Variants in ARSG observed in about 807,000 individuals in gnomAD.
ARSG encodes the protein arylsulfatase G.
A neutral mutation model predicts 50.5 loss-of-function variants in ARSG; 37 were observed. The ratio of observed to expected loss-of-function variants is 0.73; its 90% confidence interval spans 0.56 to 0.96. ARSG has a LOEUF of 0.96. Among genes scored for constraint, ARSG ranks in the 50% least tolerant of loss-of-function variants. The pLI is 0.00. For synonymous variants in ARSG, 225 were observed against 254.6 expected (o/e 0.88, Z 1.11); for missense variants, 629 against 675.3 (o/e 0.93, Z 0.76).
At chr17:68,343,904 GT>G in intron 3 of ARSG, 113 bp downstream of exon 3, 1 of 1,094,620 alleles carries the variant, frequency 9.1e-7, no homozygotes, top group Non-Finnish European at 1.3e-6. Context: ...TGCTGTGTGA[GT>G]TAGGGATGCT....
chr17:68,273,400 T>C (rs2075407152), intron 1 of ARSG, among the ~76,000 whole-genome samples: 1 of 152,082 alleles, frequency 6.6e-6, no homozygotes, highest in Non-Finnish European at 1.5e-5. Flanking sequence ...TTTTTATTTT[T>C]TGTAGAGATG....
intron 2 of ARSG, among the ~76,000 whole-genome samples, chr17:68,316,188 C>G (rs1228691324): frequency 6.6e-6 from 1 of 152,214 alleles, no homozygotes; most frequent in Non-Finnish European, 1.5e-5. Flanking sequence ...CCTCAGGCTT[C>G]AAGCAGCTGA....
rs1482538292 is a variant in ARSG at position 68,347,132 on chromosome 17, G to A, written c.414G>A (p.Trp138Ter). 2 of 1,613,984 alleles carry A rather than the reference G, an allele frequency of 1.2e-6. No homozygotes were observed. Among genetic ancestry groups the A allele is most frequent in the Non-Finnish European group, 1.7e-6 (2 of 1,179,944 alleles). The stretch of plus-strand genomic sequence containing the variant: ...TCTTATGTTTTTCTACAGGCAAATG[G>A]CATCTTGGACACCACGGCTCTTATC... ...AGYVTGIIGK[W>*]HLGHHGSYHP... Residue 138 changes from tryptophan (W) to a stop codon, truncating the protein, a stop_gained, in exon 4 of 12, where the codon TGG becomes TGA. Transcript: ENST00000621439. LOFTEE classifies it high-confidence loss of function.
In ARSG at chr17:68,420,322, G is replaced by C; in HGVS notation, c.1437G>C (p.Leu479=). 6.2e-7 allele frequency: 1 copy of C among 1,614,138 alleles called. No homozygotes were observed. The highest frequency in any genetic ancestry group is 8.5e-7 in the Non-Finnish European group (1 of 1,180,026). ...GTGGTGCGGAGTACCAGGCTGTGCTGCCCGAGGTCAGAAAGGTTCTTGCAG... is the reference window on the plus strand; with the variant it reads ...GTGGTGCGGAGTACCAGGCTGTGCTCCCCGAGGTCAGAAAGGTTCTTGCAG... ...ERGGAEYQAV[L]PEVRKVLADV... is the part of the protein sequence containing the mutation. Residue 479 remains leucine (L), a synonymous_variant, in exon 12 of 12, where the codon CTG becomes CTC. Transcript: ENST00000621439.
At chr17:68,450,706 C>G in the ARSG span, 1 of 1,596,584 alleles carries the variant, frequency 6.3e-7, no homozygotes, top group Non-Finnish European at 8.5e-7. Context: ...GCTTTGAAAC[C>G]CTGAGGGATT....
At chr17:68,335,485 C>T (rs780191544) in intron 2 of ARSG, among the ~76,000 whole-genome samples, 3 of 148,510 alleles carry the variant, frequency 2.0e-5, no homozygotes, top group South Asian at 4.2e-4. Context: ...ACCCAGGAGG[C>T]GGAGCTTGCA....
At chr17:68,405,613 T>C (rs1049395982) in intron 11 of ARSG, among the ~76,000 whole-genome samples, 2 of 152,222 alleles carry the variant, frequency 1.3e-5, no homozygotes, top group Non-Finnish European at 2.9e-5. Flanking sequence ...GATTATATCA[T>C]ATCTGAAGGA....
rs191722510 is a variant in ARSG at position 68,408,006 on chromosome 17, G to T, written c.1303+6556G>T. Among the ~76,000 whole-genome samples the T allele has an allele frequency of 2.6e-3, 383 of 149,888 alleles. 3 individuals carry two copies. The highest frequency in any genetic ancestry group is 4.4e-3 in the Non-Finnish European group (296 of 67,620). ...CCCATTCAGTATTATGTTGGCTGTG[G>T]GTTTCTTTTTTTTTTTTTTATTGGT... is the stretch of plus-strand genomic sequence containing the variant. On this transcript the variant is annotated intron_variant, in intron 11 of 11. Transcript: ENST00000621439.
chr17:68,433,981 C>T, the ARSG span, among the ~76,000 whole-genome samples: 4 of 151,914 alleles, frequency 2.6e-5, no homozygotes, highest in Non-Finnish European at 5.9e-5. Context: ...CGGTGTTTCA[C>T]CATGTTGGCC....
At chr17:68,365,035 C>T (rs1020097823) in intron 6 of ARSG, among the ~76,000 whole-genome samples, 56 of 152,282 alleles carry the variant, frequency 3.7e-4, no homozygotes, top group African/African-American at 1.3e-3. Flanking sequence ...AGCGGTCGGG[C>T]GCAGTGGCTC....
the ARSG span, among the ~76,000 whole-genome samples, chr17:68,431,920 C>T: frequency 6.6e-6 from 1 of 152,178 alleles, no homozygotes; most frequent in Admixed American, 6.5e-5. Flanking sequence ...CGATCACTCA[C>T]TCGTGGAACC....
chr17:68,270,277 C>T (rs543798800), intron 1 of ARSG, among the ~76,000 whole-genome samples: 10 of 152,160 alleles, frequency 6.6e-5, no homozygotes, highest in African/African-American at 1.2e-4. Context: ...CCTGGGTTGG[C>T]GGGTGCGGTG....
At position 68,395,156 on chromosome 17, in the gene ARSG, C is replaced by G; in HGVS notation, c.1175C>G (p.Ser392Cys). 1 of 1,614,138 alleles carries G rather than the reference C, an allele frequency of 6.2e-7. No homozygotes were observed. ...QGRRFDGVDV[S>C]EVLFGRSQPG... ...CGGCGCTTTGATGGTGTGGACGTCTCCGAGGTGCTCTTTGGCCGGTCACAG... is the reference window on the plus strand; with the variant it reads ...CGGCGCTTTGATGGTGTGGACGTCTGCGAGGTGCTCTTTGGCCGGTCACAG... The change falls in exon 10 of 12, where the codon TCC becomes TGC. Residue 392 changes from serine (S) to cysteine (C), a missense_variant. Ser to Cys is a moderately radical substitution (Grantham distance 112). Coordinates refer to ENST00000621439, the MANE Select transcript of ARSG (RefSeq NM_001267727.2).
intron 2 of ARSG, among the ~76,000 whole-genome samples, chr17:68,335,722 C>T (rs925354300): frequency 6.6e-6 from 1 of 152,092 alleles, no homozygotes; most frequent in African/African-American, 2.4e-5. Flanking sequence ...GCCTTGAAGA[C>T]AGCTGGGATT....
Position 68,274,047 on chromosome 17 carries a change from T to C in ARSG, c.-552+14621T>C. On this transcript the variant is annotated intron_variant, in intron 1 of 11. Coordinates refer to the ARSG transcript ENST00000448504. ...ACTACCAGACGGTGTCCGAAACGAT[T>C]GCTCAGGACTGTGGCGAGGGGAGCT... is the stretch of plus-strand genomic sequence containing the variant. 1.9e-6 allele frequency: 3 copies of C among 1,614,126 alleles called. No individual in the cohort carries two copies. The South Asian group carries it at 3.3e-5, about 18-fold the overall frequency.
the ARSG span, among the ~76,000 whole-genome samples, chr17:68,446,498 T>C: frequency 6.6e-6 from 1 of 152,174 alleles, no homozygotes; most frequent in Admixed American, 6.5e-5. Flanking sequence ...CAGTTTTACC[T>C]AAGGCTCTGT....
At chr17:68,270,234 C>T (rs1203094711) in intron 1 of ARSG, among the ~76,000 whole-genome samples, 1 of 152,078 alleles carries the variant, frequency 6.6e-6, no homozygotes, top group Admixed American at 6.6e-5. Flanking sequence ...GAGTTCTTGC[C>T]TAGCATGAGA....
chr17:68,348,979 C>T (rs2078633197), intron 4 of ARSG, among the ~76,000 whole-genome samples: 1 of 152,102 alleles, frequency 6.6e-6, no homozygotes, highest in Admixed American at 6.6e-5. Context: ...ATCCAGTATG[C>T]TAGCTGTTTT....
chr17:68,377,873 G>A (rs147785829), intron 8 of ARSG, among the ~76,000 whole-genome samples: 56 of 152,304 alleles, frequency 3.7e-4, no homozygotes, highest in African/African-American at 9.1e-4. Flanking sequence ...ATGTGGGATC[G>A]GTGGGTGACA....
Sources: gnomAD v4.1 joint callset for allele counts (sites outside exome capture counted in the v4.1 genomes callset) on GRCh38, gnomAD v4.1.1 for gene constraint, MANE v1.5 for transcripts, NCBI Gene and HGNC (gene_info 2026-07-23, HGNC 2026-07-21) for gene names.